Variants in NIPBL observed in about 807,000 individuals in gnomAD.
The protein encoded by NIPBL is nipped-B-like protein.
A neutral mutation model predicts 321.8 loss-of-function variants in NIPBL; 19 were observed. The observed-to-expected ratio is 0.06, with a 90% CI of 0.04 to 0.09. The LOEUF (loss-of-function observed/expected upper bound fraction) is 0.09, where lower values mean the gene tolerates loss of function less well. Ranked by LOEUF, NIPBL falls within the 10% of genes least tolerant of loss-of-function variation. The pLI is 1.00. For missense variants in NIPBL, 2,210 were observed against 3,327.0 expected (o/e 0.66, Z 8.26); for synonymous variants, 1,106 against 1,114.1 (o/e 0.99, Z 0.14).
intron 32 of NIPBL, among the ~76,000 whole-genome samples, 195 bp downstream of exon 32, chr5:37,027,607 T>TTG (rs1463832841): frequency 1.3e-4 from 18 of 136,952 alleles, no homozygotes; most frequent in African/African-American, 5.0e-4. Context: ...GTTGTGGTTT[T>TTG]TTTTTTTTTT....
chr5:36,956,364 ATTCT>A (rs1475512721), intron 3 of NIPBL, among the ~76,000 whole-genome samples: 2 of 152,152 alleles, frequency 1.3e-5, no homozygotes, highest in Non-Finnish European at 2.9e-5. Flanking sequence ...GTAACCTCGC[ATTCT>A]TTATTTTTTT....
chr5:37,051,789 A>G lies in NIPBL; in HGVS notation c.6965A>G (p.Tyr2322Cys). Reference protein sequence around the residue: ...GLIHPVQCVPYLIAMGTDPEP... With the variant: ...GLIHPVQCVPCLIAMGTDPEP... ...TTTTTTTATTTCCAGTGTGTGCCATATTTAATTGCTATGGGCACAGACCCA... is the reference window on the plus strand; with the variant it reads ...TTTTTTTATTTCCAGTGTGTGCCATGTTTAATTGCTATGGGCACAGACCCA... The change falls in exon 41 of 47, where the codon TAT becomes TGT. Residue 2322 changes from tyrosine to cysteine, a missense_variant. By Grantham distance (194) the Tyr-to-Cys change is radical. This residue lies in a region of NIPBL where 112 missense variants were observed against 288.3 expected (regional missense o/e 0.39). Transcript: ENST00000282516. The G allele has an allele frequency of 6.2e-7, 1 of 1,611,984 alleles. No homozygotes were observed. The highest frequency in any genetic ancestry group is 8.5e-7 in the Non-Finnish European group (1 of 1,178,236).
At chr5:36,915,131 T>A (rs1244728723) in intron 1 of NIPBL, among the ~76,000 whole-genome samples, 1 of 152,058 alleles carries the variant, frequency 6.6e-6, no homozygotes, top group Non-Finnish European at 1.5e-5. Context: ...AGGTATAAAT[T>A]CTAATGTAGT....
At chr5:36,967,636 G>A (rs1024279375) in intron 6 of NIPBL, among the ~76,000 whole-genome samples, 6 of 152,238 alleles carry the variant, frequency 3.9e-5, no homozygotes, top group African/African-American at 1.4e-4. Flanking sequence ...TCCTGTTCCC[G>A]AATTGAAACA....
chr5:37,019,839 A>T (rs543446621), intron 25 of NIPBL, among the ~76,000 whole-genome samples: 6 of 152,228 alleles, frequency 3.9e-5, no homozygotes, highest in African/African-American at 1.4e-4. Context: ...TAAGAGGTTC[A>T]TGTACAAAAT....
At chr5:36,973,603 G>A (rs1743124409) in intron 8 of NIPBL, among the ~76,000 whole-genome samples, 1 of 152,086 alleles carries the variant, frequency 6.6e-6, no homozygotes, top group African/African-American at 2.4e-5. Flanking sequence ...GAGTAGCTGG[G>A]ATTACAGGCA....
At chr5:37,063,675 T>C (rs920639923) in intron 45 of NIPBL, 115 bp from the exon 46 acceptor site, 1 of 984,310 alleles carries the variant, frequency 1.0e-6, no homozygotes, top group Non-Finnish European at 1.5e-6. Context: ...ATTTAGATGA[T>C]GGCTAACGTC....
At chr5:36,940,212 G>C (rs1738906896) in intron 1 of NIPBL, among the ~76,000 whole-genome samples, 1 of 152,164 alleles carries the variant, frequency 6.6e-6, no homozygotes. Flanking sequence ...TTTTTAAGGA[G>C]TATATACAGC....
At chr5:36,938,540 G>GT (rs1177897593) in intron 1 of NIPBL, among the ~76,000 whole-genome samples, 20 of 152,226 alleles carry the variant, frequency 1.3e-4, no homozygotes, top group Admixed American at 1.2e-3. Context: ...ACCTAAAAAT[G>GT]TAAAAACATT....
intron 1 of NIPBL, chr5:36,885,377 T>C (rs980814243): frequency 3.1e-5 from 14 of 457,072 alleles, no homozygotes; most frequent in Non-Finnish European, 5.6e-5. Context: ...CCGCGGCGGC[T>C]TGGGGTCCAG....
At chr5:37,024,801 A>C (rs919180324) in intron 30 of NIPBL, 82 bp downstream of exon 30, 23 of 1,060,424 alleles carry the variant, frequency 2.2e-5, no homozygotes, top group Middle Eastern at 3.0e-4. Context: ...GTTGATTTTA[A>C]ATATATCCAA....
intron 1 of NIPBL, among the ~76,000 whole-genome samples, chr5:36,896,566 G>A (rs557507189): frequency 1.3e-5 from 2 of 152,190 alleles, no homozygotes; most frequent in East Asian, 3.9e-4. Flanking sequence ...ATGGGAAGAC[G>A]TTCCATTTTT....
chr5:36,909,449 G>A (rs1490495803), intron 1 of NIPBL, among the ~76,000 whole-genome samples: 1 of 151,938 alleles, frequency 6.6e-6, no homozygotes, highest in East Asian at 1.9e-4. Flanking sequence ...GTTTTTGGAG[G>A]GTAATTTTGC....
At chr5:36,911,603 A>G (rs1292753790) in intron 1 of NIPBL, among the ~76,000 whole-genome samples, 1 of 152,218 alleles carries the variant, frequency 6.6e-6, no homozygotes, top group African/African-American at 2.4e-5. Flanking sequence ...AACTCTTCCT[A>G]GAGCAGAGTA....
intron 39 of NIPBL, 126 bp downstream of exon 39, chr5:37,048,801 T>TTA: frequency 1.3e-6 from 1 of 797,844 alleles, no homozygotes; most frequent in Middle Eastern, 3.7e-4. Flanking sequence ...TAGCAGTCCT[T>TTA]ATGCTGAGGT....
chr5:36,979,767 T>G (rs1743926999), intron 9 of NIPBL, among the ~76,000 whole-genome samples: 1 of 151,694 alleles, frequency 6.6e-6, no homozygotes, highest in Non-Finnish European at 1.5e-5. Context: ...TATACGCATA[T>G]CAAATGAAAA....
intron 1 of NIPBL, among the ~76,000 whole-genome samples, chr5:36,933,726 C>A (rs1018748442): frequency 1.3e-5 from 2 of 151,892 alleles, no homozygotes; most frequent in Admixed American, 1.3e-4. Context: ...AGTAAGATAC[C>A]AGTTGGCTTT....
At chr5:37,032,957 G>A (rs1023867841) in intron 32 of NIPBL, among the ~76,000 whole-genome samples, 8 of 152,132 alleles carry the variant, frequency 5.3e-5, no homozygotes, top group African/African-American at 1.9e-4. Context: ...AAGTGAGCAA[G>A]CTAAATTATA....
At chr5:36,974,263 T>A (rs1369963227) in intron 8 of NIPBL, among the ~76,000 whole-genome samples, 1 of 152,186 alleles carries the variant, frequency 6.6e-6, no homozygotes, top group African/African-American at 2.4e-5. Context: ...ACCTCACTAA[T>A]ATATTATTCA....
Sources: gnomAD v4.1 joint callset for allele counts (sites outside exome capture counted in the v4.1 genomes callset) on GRCh38, gnomAD v4.1.1 for gene constraint, gnomAD v4.1.1 regional missense constraint, MANE v1.5 for transcripts, NCBI Gene and HGNC (gene_info 2026-07-23, HGNC 2026-07-21) for gene names.